CLDN16: variants seen among roughly 807,000 people sequenced by gnomAD.
The protein encoded by CLDN16 is claudin-16.
CLDN16 carries 13 observed loss-of-function variants against 24.6 expected under a neutral mutation model. The observed-to-expected ratio is 0.53, with a 90% CI of 0.34 to 0.84. CLDN16 has a LOEUF of 0.84. CLDN16 is among the 40% of genes least tolerant of loss of function. The probability of loss-of-function intolerance (pLI) is 0.01; values close to 1 mark genes in which losing one functional copy is unlikely to be tolerated. For synonymous variants in CLDN16, 116 were observed against 106.7 expected (o/e 1.09, Z -0.54); for missense variants, 298 against 292.7 (o/e 1.02, Z -0.13).
At chr3:190,390,296 G>GA (rs1718616611) in intron 1 of CLDN16, among the ~76,000 whole-genome samples, 2 of 144,106 alleles carry the variant, frequency 1.4e-5, no homozygotes, top group Non-Finnish European at 3.1e-5. Context: ...CAATACTTTG[G>GA]AAGGCCGAGG....
At chr3:190,342,084 T>G (rs1443708395) in intron 1 of CLDN16, among the ~76,000 whole-genome samples, 5 of 152,218 alleles carry the variant, frequency 3.3e-5, no homozygotes, top group Non-Finnish European at 7.3e-5. Flanking sequence ...TTCTCACATC[T>G]TCCTGTCTTC....
the CLDN16 span, among the ~76,000 whole-genome samples, chr3:190,293,444 C>A: frequency 1.3e-5 from 2 of 152,112 alleles, no homozygotes; most frequent in East Asian, 3.9e-4. Context: ...GAGTTTTATT[C>A]TAAGTGTAAA....
the CLDN16 span, among the ~76,000 whole-genome samples, chr3:190,309,490 C>T: frequency 6.6e-6 from 1 of 152,158 alleles, no homozygotes; most frequent in African/African-American, 2.4e-5. Flanking sequence ...ATTTTAACAT[C>T]CTGACTGAAT....
At chr3:190,392,740 C>G (rs1056721761) in intron 1 of CLDN16, among the ~76,000 whole-genome samples, 3 of 152,126 alleles carry the variant, frequency 2.0e-5, no homozygotes, top group Non-Finnish European at 4.4e-5. Context: ...GGTCAAGGTA[C>G]AAGAGCGTTG....
intron 1 of CLDN16, among the ~76,000 whole-genome samples, chr3:190,394,296 G>A (rs1718759836): frequency 6.6e-6 from 1 of 152,106 alleles, no homozygotes; most frequent in African/African-American, 2.4e-5. Context: ...GTTTTCACAA[G>A]AAGATTTCAT....
the CLDN16 span, among the ~76,000 whole-genome samples, chr3:190,311,940 ATTTCT>A: frequency 7.4e-6 from 1 of 135,900 alleles, no homozygotes; most frequent in Non-Finnish European, 1.5e-5. Flanking sequence ...AAAAACAGAT[ATTTCT>A]TTTCTTTTCT....
At chr3:190,297,521 T>C in the CLDN16 span, among the ~76,000 whole-genome samples, 414 of 142,998 alleles carry the variant, frequency 2.9e-3, 3 homozygotes, top group African/African-American at 0.01. Context: ...TAGATATGTA[T>C]ATATATATTA....
chr3:190,405,137 T>G (rs917569530), intron 3 of CLDN16, among the ~76,000 whole-genome samples: 1 of 152,130 alleles, frequency 6.6e-6, no homozygotes, highest in Non-Finnish European at 1.5e-5. Context: ...GAACAAAATA[T>G]GAAGCTCTCA....
the CLDN16 span, among the ~76,000 whole-genome samples, chr3:190,311,603 T>A: frequency 1.3e-5 from 2 of 151,158 alleles, no homozygotes; most frequent in Admixed American, 6.6e-5. Context: ...TATCTGTTAT[T>A]TTTTTAAAAT....
chr3:190,372,530 G>C (rs1327109193), intron 2 of CLDN16, among the ~76,000 whole-genome samples: 2 of 151,942 alleles, frequency 1.3e-5, no homozygotes, highest in African/African-American at 4.8e-5. Context: ...TGTAGTTCCA[G>C]CTACTTTGGA....
intron 1 of CLDN16, among the ~76,000 whole-genome samples, chr3:190,358,191 G>A (rs946704037): frequency 1.3e-5 from 2 of 151,864 alleles, no homozygotes; most frequent in African/African-American, 4.8e-5. Flanking sequence ...TGTGATTTAG[G>A]AGAAATGCTT....
At chr3:190,372,463 T>A (rs894872145) in intron 2 of CLDN16, among the ~76,000 whole-genome samples, 1 of 151,560 alleles carries the variant, frequency 6.6e-6, no homozygotes, top group African/African-American at 2.4e-5. Context: ...GGAAACATGT[T>A]GAGACCCCCT....
At chr3:190,329,271 AG>A (rs2108621874) in intron 1 of CLDN16, among the ~76,000 whole-genome samples, 1 of 152,294 alleles carries the variant, frequency 6.6e-6, no homozygotes, top group African/African-American at 2.4e-5. Context: ...GATGGGTGAA[AG>A]TGAATATTTA....
intron 1 of CLDN16, among the ~76,000 whole-genome samples, chr3:190,323,025 C>CACACACACACACACACACACACAA (rs559057976): frequency 8.6e-4 from 131 of 151,534 alleles, no homozygotes; most frequent in African/African-American, 3.1e-3. Flanking sequence ...CACACACACA[C>CACACACACACACACACACACACAA]ACAGACACAC....
intron 1 of CLDN16, among the ~76,000 whole-genome samples, chr3:190,364,956 T>A (rs964251401): frequency 6.6e-6 from 1 of 151,848 alleles, no homozygotes; most frequent in Non-Finnish European, 1.5e-5. Context: ...TTCTTTTTTT[T>A]CTTTAGTCAA....
the CLDN16 span, among the ~76,000 whole-genome samples, chr3:190,311,852 A>G: frequency 2.0e-5 from 3 of 151,968 alleles, no homozygotes; most frequent in African/African-American, 7.2e-5. Flanking sequence ...AAAGCTTTGA[A>G]ATAATGCTGT....
At chr3:190,347,175 C>A (rs946116153) in intron 1 of CLDN16, among the ~76,000 whole-genome samples, 3 of 152,098 alleles carry the variant, frequency 2.0e-5, no homozygotes, top group Admixed American at 2.0e-4. Flanking sequence ...GAAACGATTG[C>A]AGAGCCATGA....
the CLDN16 span, among the ~76,000 whole-genome samples, chr3:190,297,130 G>A: frequency 6.6e-6 from 1 of 151,696 alleles, no homozygotes; most frequent in South Asian, 2.1e-4. Flanking sequence ...TCATTGTAGA[G>A]TGAGTAGTTT....
At position 190,350,071 on chromosome 3, in the gene CLDN16, G is replaced by A. The variant is rs147886923; in HGVS notation, n.122-20822G>A. Among the ~76,000 whole-genome samples, 853 of 152,036 alleles carry A rather than the reference G, an allele frequency of 5.6e-3. 7 individuals are homozygous for A. Among genetic ancestry groups the A allele is most frequent in the African/African-American group, 0.02 (810 of 41,466 alleles). On this transcript the variant is annotated intron_variant and non_coding_transcript_variant, in intron 1 of 4. Transcript: ENST00000468220. ...ATGGGAAAATGAGGAATAGATGAGCGGACCAGGCACAGGGCAGGGCATGGA... is the reference window on the plus strand; with the variant it reads ...ATGGGAAAATGAGGAATAGATGAGCAGACCAGGCACAGGGCAGGGCATGGA...
Sources: allele counts gnomAD v4.1 joint callset (sites outside exome capture counted in the v4.1 genomes callset), GRCh38; gene constraint gnomAD v4.1.1; transcripts MANE v1.5; gene names NCBI Gene and HGNC (gene_info 2026-07-23, HGNC 2026-07-21).